CCND3: variants seen among roughly 807,000 people sequenced by gnomAD.
CCND3 encodes G1/S-specific cyclin-D3.
A neutral mutation model predicts 28.7 loss-of-function variants in CCND3; 9 were observed. The ratio of observed to expected loss-of-function variants is 0.31; its 90% CI spans 0.19 to 0.55. CCND3 has a LOEUF of 0.55. Among genes scored for constraint, CCND3 ranks in the 20% least tolerant of loss-of-function variants. CCND3 has a pLI of 0.93. For synonymous variants in CCND3, 164 were observed against 163.9 expected, an observed-to-expected ratio of 1.00 and a Z score of 0.00; for missense variants, 315 against 385.8, an observed-to-expected ratio of 0.82 and a Z score of 1.54.
chr6:41,955,757 C>CA (rs1179232690), intron 1 of CCND3, among the ~76,000 whole-genome samples: 1 of 151,090 alleles, frequency 6.6e-6, no homozygotes, highest in African/African-American at 2.4e-5. Flanking sequence ...GCCTGGGCAA[C>CA]AAAGTAAGAC....
chr6:41,946,449 A>G (rs1012602264), upstream of CCND3, among the ~76,000 whole-genome samples: 1 of 151,572 alleles, frequency 6.6e-6, no homozygotes, highest in Non-Finnish European at 1.5e-5. Flanking sequence ...AAAAATATAA[A>G]AATTAGCCGA....
chr6:42,046,141 C>T (rs1243276197), intron 1 of CCND3, among the ~76,000 whole-genome samples: 1 of 152,212 alleles, frequency 6.6e-6, no homozygotes, highest in Non-Finnish European at 1.5e-5. Flanking sequence ...GCTTTGACTG[C>T]AGGCAGAGAG....
At chr6:41,941,940 A>G (rs1037068774), upstream of CCND3, 1 of 175,208 alleles carries the variant, frequency 5.7e-6, no homozygotes, top group South Asian at 2.1e-4. This position sits in a 1 kb window ranked among gnomAD's most constrained non-coding sequence, Gnocchi z 6.1. Context: ...CCGCGGCCCC[A>G]TTGGGCCGCT....
chr6:41,940,345 G>A (rs1394218313), intron 2 of CCND3, 25 bp downstream of exon 2: 1 of 1,574,688 alleles, frequency 6.4e-7, no homozygotes, highest in Non-Finnish European at 8.7e-7. Context: ...ATACGTGTCG[G>A]GGGTGGGGGG....
At chr6:41,988,725 G>A (rs1225157310) in intron 1 of CCND3, among the ~76,000 whole-genome samples, 2 of 144,298 alleles carry the variant, frequency 1.4e-5, no homozygotes, top group African/African-American at 2.7e-5. Flanking sequence ...TTGAGACGGA[G>A]TCTGGCTCTG....
chr6:42,022,904 G>GCC (rs1763754045), intron 1 of CCND3, among the ~76,000 whole-genome samples: 1 of 152,228 alleles, frequency 6.6e-6, no homozygotes, highest in African/African-American at 2.4e-5. Context: ...GGTGCTGGAG[G>GCC]CCCCATGCTG....
intron 1 of CCND3, among the ~76,000 whole-genome samples, chr6:41,985,304 C>CTT (rs56672487): frequency 1.9e-5 from 1 of 53,280 alleles, no homozygotes; most frequent in African/African-American, 7.8e-5. Context: ...CAGTTCAAGT[C>CTT]TTTTTTTTTT....
intron 1 of CCND3, among the ~76,000 whole-genome samples, chr6:42,045,359 T>C (rs1582198495): frequency 6.6e-6 from 1 of 152,342 alleles, no homozygotes; most frequent in African/African-American, 2.4e-5. Flanking sequence ...CAAGTTTGCC[T>C]TTCTGAGCCT....
chr6:42,017,213 C>T (rs895996223), intron 1 of CCND3, among the ~76,000 whole-genome samples: 5 of 152,244 alleles, frequency 3.3e-5, no homozygotes, highest in Non-Finnish European at 7.3e-5. Context: ...CCCATGGTCC[C>T]CTGCCTCAGC....
At chr6:42,025,950 G>A (rs12214723) in intron 1 of CCND3, among the ~76,000 whole-genome samples, 29,193 of 152,086 alleles carry the variant, frequency 0.19, 3,126 homozygotes, top group Non-Finnish European at 0.2. Flanking sequence ...GTGAATGAAT[G>A]AGTCAGCACT....
intron 1 of CCND3, among the ~76,000 whole-genome samples, chr6:41,983,645 G>A (rs990603953): frequency 3.9e-5 from 6 of 151,954 alleles, no homozygotes; most frequent in Middle Eastern, 3.2e-3. Flanking sequence ...TTCAAGACCC[G>A]CCTGGGCAAC....
At position 42,020,699 on chromosome 6, in the gene CCND3, G is replaced by C. The variant is rs996973951; in HGVS notation, c.-46+27802C>G. 3.9e-5 allele frequency among the ~76,000 whole-genome samples: 6 copies of C among 152,180 alleles called. No individual in the cohort carries two copies. In the East Asian group the frequency reaches 5.8e-4, roughly 15 times the overall value. ...TCTCTCAGAATTCCCACAGCACAGA[G>C]AGCCTGCACTCCAAGACTTCATGAG... On this transcript the variant is annotated intron_variant, in intron 1 of 4. Coordinates refer to the CCND3 transcript ENST00000372988.
intron 1 of CCND3, among the ~76,000 whole-genome samples, chr6:42,007,333 G>T (rs578136481): frequency 1.3e-5 from 2 of 152,340 alleles, no homozygotes; most frequent in Admixed American, 6.5e-5. Flanking sequence ...CCAACAGCTT[G>T]ATAGATGGGC....
intron 1 of CCND3, among the ~76,000 whole-genome samples, chr6:42,035,516 C>T (rs1421284761): frequency 6.6e-6 from 1 of 151,374 alleles, no homozygotes; most frequent in Non-Finnish European, 1.5e-5. Flanking sequence ...TACAGGTGCC[C>T]ACTACCACGC....
At chr6:42,003,162 C>CAAAAAAAAAAAAAAAAA (rs55721061) in intron 1 of CCND3, among the ~76,000 whole-genome samples, 3 of 110,344 alleles carry the variant, frequency 2.7e-5, no homozygotes, top group African/African-American at 1.0e-4. Context: ...AACAGCGTGT[C>CAAAAAAAAAAAAAAAAA]AAAAAAAAAA....
intron 1 of CCND3, among the ~76,000 whole-genome samples, chr6:41,947,542 T>A (rs1240909774): frequency 6.6e-6 from 1 of 152,192 alleles, no homozygotes; most frequent in Non-Finnish European, 1.5e-5. Context: ...CTTTCTCAAA[T>A]CCCACACAAT....
intron 1 of CCND3, among the ~76,000 whole-genome samples, chr6:41,971,565 T>TA (rs1051511320): frequency 1.9e-4 from 29 of 151,572 alleles, no homozygotes; most frequent in Admixed American, 1.1e-3. Flanking sequence ...TTTTTTGAGA[T>TA]AGAGTCTCGT....
intron 1 of CCND3, among the ~76,000 whole-genome samples, chr6:42,013,099 T>G (rs1342523239): frequency 6.6e-6 from 1 of 152,210 alleles, no homozygotes; most frequent in Non-Finnish European, 1.5e-5. Context: ...ATGATCTTAG[T>G]CATCCTTTCC....
At chr6:42,011,881 C>T (rs1319809272) in intron 1 of CCND3, among the ~76,000 whole-genome samples, 1 of 152,122 alleles carries the variant, frequency 6.6e-6, no homozygotes. Flanking sequence ...AGGAAATACA[C>T]CAGGAAAATG....
Sources: gnomAD v4.1 joint callset for allele counts (sites outside exome capture counted in the v4.1 genomes callset) on GRCh38, gnomAD v4.1.1 for gene constraint, Gnocchi (gnomAD v3.1) non-coding constraint, MANE v1.5 for transcripts, NCBI Gene and HGNC (gene_info 2026-07-23, HGNC 2026-07-21) for gene names.